Variants in ANPEP observed in about 807,000 individuals in gnomAD.
ANPEP encodes the protein alanyl aminopeptidase, membrane.
Under a neutral mutation model 114.6 loss-of-function variants are expected in ANPEP, and 70 were observed. The observed-to-expected ratio is 0.61, with a 90% CI of 0.50 to 0.75. The LOEUF (loss-of-function observed/expected upper bound fraction) is 0.75. ANPEP is among the 30% of genes least tolerant of loss of function. The probability of loss-of-function intolerance (pLI) is 0.00; values close to 1 mark genes in which losing one functional copy is unlikely to be tolerated. For synonymous variants in ANPEP, 548 were observed against 522.3 expected, an observed-to-expected ratio of 1.05 and a Z score of -0.67; for missense variants, 1,184 against 1,259.5, an observed-to-expected ratio of 0.94 and a Z score of 0.91.
intron 10 of ANPEP, 146 bp from the exon 11 acceptor site, chr15:89,801,753 C>T: frequency 1.1e-6 from 1 of 929,780 alleles, no homozygotes; most frequent in Non-Finnish European, 1.6e-6. Context: ...AGCCGGGAGC[C>T]AGGGTACCGT....
Position 89,801,206 on chromosome 15 carries a change from A to G in ANPEP, c.1743-19T>C. 1.9e-6 allele frequency: 3 copies of G among 1,613,558 alleles called. No homozygotes were observed. The highest frequency in any genetic ancestry group is 1.7e-6 in the Non-Finnish European group (2 of 1,179,704). ...CACGTAGCTGCAATTAAAGATCCAGAGGTGGTGAGAGATGGCGGTGTGGTC... is the reference window on the plus strand; with the variant it reads ...CACGTAGCTGCAATTAAAGATCCAGGGGTGGTGAGAGATGGCGGTGTGGTC... On this transcript the variant is annotated intron_variant, in intron 11 of 20. Coordinates refer to ENST00000300060, the MANE Select transcript of ANPEP (RefSeq NM_001150.3).
rs372068433 is a variant in ANPEP, at chr15:89,801,213, G to C, written c.1743-26C>G. 9 of 1,612,226 alleles carry C rather than the reference G, an allele frequency of 5.6e-6. No homozygotes were observed. The African/African-American group carries it at 1.1e-4, about 19-fold the overall frequency. ...CTGCAATTAAAGATCCAGAGGTGGT[G>C]AGAGATGGCGGTGTGGTCACTGCCA... On this transcript the variant is annotated intron_variant, in intron 11 of 20. Transcript: ENST00000300060.
At chr15:89,794,030 A>C (rs1968682973) in intron 15 of ANPEP, among the ~76,000 whole-genome samples, 1 of 152,194 alleles carries the variant, frequency 6.6e-6, no homozygotes, top group African/African-American at 2.4e-5. Context: ...ATAACAAAGA[A>C]CAGGAGAGGC....
intron 15 of ANPEP, among the ~76,000 whole-genome samples, chr15:89,796,437 T>C (rs945450817): frequency 3.9e-5 from 6 of 152,202 alleles, no homozygotes; most frequent in African/African-American, 1.4e-4. Context: ...AAACTTCATT[T>C]ACCAAAATCT....
chr15:89,801,447 G>A lies in ANPEP; in HGVS notation c.1730C>T (p.Pro577Leu). ...CCCATCTGCTCACTTGAATTCTGAG[G>A]GGCGGGTAACATTGGAATCGGGGTC... Reference protein sequence around the residue: ...LLDPDSNVTRPSEFNYVWIVP... With the variant: ...LLDPDSNVTRLSEFNYVWIVP... Residue 577 changes from proline (P) to leucine (L), a missense_variant, in exon 11 of 21, where the codon CCC (proline) becomes CTC (leucine). Coordinates refer to ENST00000300060, the MANE Select transcript of ANPEP (RefSeq NM_001150.3). 6.2e-7 allele frequency: 1 copy of A among 1,614,146 alleles called. No homozygotes were observed. Among genetic ancestry groups the A allele is most frequent in the East Asian group, 2.2e-5 (1 of 44,886 alleles).
intron 20 of ANPEP, among the ~76,000 whole-genome samples, chr15:89,787,667 A>G (rs868547954): frequency 1.2e-4 from 18 of 152,356 alleles, no homozygotes; most frequent in African/African-American, 2.4e-4. Context: ...AGACAACCCA[A>G]TTTTAAAATA....
At chr15:89,814,279 G>A (rs911623670) in intron 1 of ANPEP, among the ~76,000 whole-genome samples, 6 of 152,200 alleles carry the variant, frequency 3.9e-5, no homozygotes, top group Non-Finnish European at 8.8e-5. Flanking sequence ...GGAGGCTTTA[G>A]ACCGAGGAGC....
chr15:89,811,649 T>TAA (rs754725578), intron 1 of ANPEP, among the ~76,000 whole-genome samples: 3 of 100,530 alleles, frequency 3.0e-5, no homozygotes, highest in African/African-American at 7.4e-5. Context: ...CCATCTCAAG[T>TAA]AAAAAAAAAA....
At chr15:89,814,399 A>T (rs1273450945) in intron 1 of ANPEP, among the ~76,000 whole-genome samples, 2 of 151,862 alleles carry the variant, frequency 1.3e-5, no homozygotes, top group Non-Finnish European at 2.9e-5. Context: ...CCAGGGACAG[A>T]GTGGCCGCGG....
chr15:89,814,672 G>T (rs1894876233), intron 1 of ANPEP, 100 bp downstream of exon 1: 1 of 152,342 alleles, frequency 6.6e-6, no homozygotes, highest in African/African-American at 2.4e-5. Context: ...AGCTCCGCAC[G>T]CGCCAAGCGC....
At chr15:89,813,428 C>T (rs987279120) in intron 1 of ANPEP, among the ~76,000 whole-genome samples, 7 of 152,216 alleles carry the variant, frequency 4.6e-5, no homozygotes, top group South Asian at 4.1e-4. Flanking sequence ...ACAGGGCAGG[C>T]GGCTGGGCTG....
In ANPEP at chr15:89,801,320, G is replaced by T; in HGVS notation, c.1742+115C>A. On this transcript the variant is annotated intron_variant, in intron 11 of 20. Coordinates refer to ENST00000300060, the MANE Select transcript of ANPEP (RefSeq NM_001150.3). ...CTGAACTCCTGGCTCTGGAGGGAGG[G>T]TCTGTCTACAGTGGCTGGGGCTGGG... is the stretch of plus-strand genomic sequence containing the variant. 12 of 1,541,510 alleles carry T rather than the reference G, an allele frequency of 7.8e-6. No individual in the cohort carries two copies. In the South Asian group the frequency reaches 1.3e-4, roughly 16 times the overall value.
intron 15 of ANPEP, among the ~76,000 whole-genome samples, chr15:89,793,726 C>A (rs114920035): frequency 0.016 from 2,327 of 141,918 alleles, 73 homozygotes; most frequent in African/African-American, 0.06. Flanking sequence ...AAAAAAAATT[C>A]CATGACTTAT....
rs761182007 is a variant in ANPEP, at chr15:89,806,438, G to T, written c.146C>A (p.Thr49Asn). The T allele has an allele frequency of 6.2e-7, 1 of 1,614,140 alleles. No individual in the cohort carries two copies. The highest frequency in any genetic ancestry group is 1.1e-5 in the South Asian group (1 of 91,084). Residue 49 changes from threonine to asparagine, a missense_variant, in exon 2 of 21, where the codon ACC becomes AAC. Transcript: ENST00000300060. This position sits in a 1 kb window ranked among gnomAD's most constrained non-coding sequence, Gnocchi z 5.7. The part of the protein sequence containing the change: ...KNANSSPVAS[T>N]TPSASATTNP... ...GGTGGTGGCTGAGGCGGACGGGGTG[G>T]TGGAGGCCACGGGGGAGCTGTTGGC...
Position 89,803,092 on chromosome 15 carries a change from G to C in ANPEP, c.1569+147C>G. ...AGGAGCCATCCCGGCTTCCACTATA[G>C]GGAGGAGCAACAGAGGCTCCATCCA... On this transcript the variant is annotated intron_variant, in intron 10 of 20. Transcript: ENST00000300060. This position sits in a 1 kb window ranked among gnomAD's most constrained non-coding sequence, Gnocchi z 4.2. 1 of 902,864 alleles carries C rather than the reference G, an allele frequency of 1.1e-6. No homozygotes were observed. Among genetic ancestry groups the C allele is most frequent in the Non-Finnish European group, 1.8e-6 (1 of 557,772 alleles). 55.9% of individuals were successfully genotyped at this position (902,864 alleles called of 1,614,324 possible).
At position 89,801,126 on chromosome 15, in the gene ANPEP, G is replaced by T. The variant is rs1894580160; in HGVS notation, c.1804C>A (p.Leu602Met). 6.2e-7 allele frequency: 1 copy of T among 1,614,000 alleles called. No homozygotes were observed. Among genetic ancestry groups the T allele is most frequent in the Admixed American group, 1.7e-5 (1 of 60,010 alleles). Residue 602 changes from leucine (L) to methionine (M), a missense_variant, in exon 12 of 21, where the codon CTG becomes ATG. Transcript: ENST00000300060. ...GCTGGATTACCTCTTACATCTATCA[G>T]CCAGTAGTCCTGCTGCTGTCTGCCA... ...RDGRQQQDYW[L>M]IDVRAQNDLF...
Position 89,799,607 on chromosome 15 carries a change from C to T in ANPEP, c.1820-48G>A. The T allele has an allele frequency of 6.2e-7, 1 of 1,612,828 alleles. No individual in the cohort carries two copies. The highest frequency in any genetic ancestry group is 1.1e-5 in the South Asian group (1 of 91,012). On this transcript the variant is annotated intron_variant, in intron 12 of 20. Transcript: ENST00000300060. The surrounding 1 kb of genome is among the most constrained non-coding windows in gnomAD (Gnocchi z 4.2). ...GGCAGGGCTGCTCAGAGGCCATGGG[C>T]TGACCCCTGGACCTCTTGCAAGAGC... is the stretch of plus-strand genomic sequence containing the variant.
intron 18 of ANPEP, 90 bp downstream of exon 18, chr15:89,792,070 C>A (rs985384911): frequency 1.4e-6 from 2 of 1,459,070 alleles, no homozygotes; most frequent in African/African-American, 1.4e-5. Flanking sequence ...GTGGGGGTCA[C>A]GTGAAGGATC....
At position 89,804,208 on chromosome 15, in the gene ANPEP, G is replaced by C. The variant is rs1171552076; in HGVS notation, c.1179+45C>G. The C allele has an allele frequency of 4.3e-6, 7 of 1,609,306 alleles. No homozygotes were observed. The South Asian group carries it at 7.7e-5, about 18-fold the overall frequency. On this transcript the variant is annotated intron_variant, in intron 6 of 20. Coordinates refer to ENST00000300060, the MANE Select transcript of ANPEP (RefSeq NM_001150.3). ...GCCTGGACTTGCGCCGTCTCCTCTC[G>C]GAGCCCCTGTTTCCTTCTCCGCACT...
Sources: allele counts gnomAD v4.1 joint callset (sites outside exome capture counted in the v4.1 genomes callset), GRCh38; gene constraint gnomAD v4.1.1; non-coding constraint Gnocchi (gnomAD v3.1); transcripts MANE v1.5; gene names NCBI Gene and HGNC (gene_info 2026-07-23, HGNC 2026-07-21).